Variants in RNF213 observed in about 807,000 individuals in gnomAD.
RNF213 encodes the protein ring finger protein 213.
In RNF213, 341 loss-of-function variants were observed where a neutral mutation model predicts 514.4. That is an observed-to-expected ratio of 0.66 (90% confidence interval 0.61 to 0.73). The LOEUF (loss-of-function observed/expected upper bound fraction) is 0.73. Among genes scored for constraint, RNF213 ranks in the 30% least tolerant of loss-of-function variants. The pLI, the probability that RNF213 is intolerant of heterozygous loss-of-function variation, is 0.00. For synonymous variants in RNF213, 2,655 were observed against 2,658.2 expected (o/e 1.00, Z 0.04); for missense variants, 5,767 against 6,615.6 (o/e 0.87, Z 4.45).
At chr17:80,293,191 G>A (rs1310274303) in intron 8 of RNF213, among the ~76,000 whole-genome samples, 2 of 151,838 alleles carry the variant, frequency 1.3e-5, no homozygotes, top group Non-Finnish European at 2.9e-5. Flanking sequence ...CCAAGTAGCT[G>A]GGCCTACAGG....
rs1309528995 is a variant in RNF213, at chr17:80,397,906, T to G, written c.*4408T>G. ...CTCCAGCCAGCTTGAGCGACATGGA[T>G]CCTGAGAGCGCTCTCAGGCAGGCAA... On this transcript the variant is annotated 3_prime_UTR_variant, in exon 68 of 68. Coordinates refer to ENST00000582970, the MANE Select transcript of RNF213 (RefSeq NM_001256071.3). 1 of 145,070 alleles carries G rather than the reference T, an allele frequency of 6.9e-6. No individual in the cohort carries two copies. Among genetic ancestry groups the G allele is most frequent in the Non-Finnish European group, 1.5e-5 (1 of 66,692 alleles). The allele number at this position is 145,070 out of a possible 1,614,324, so 9.0% of individuals were successfully genotyped here.
chr17:80,388,303 C>G (rs1376980025), intron 63 of RNF213, among the ~76,000 whole-genome samples: 1 of 152,194 alleles, frequency 6.6e-6, no homozygotes, highest in East Asian at 1.9e-4. Context: ...CCTTTAGTGG[C>G]TGAATGAATA....
In RNF213 at chr17:80,373,237, CCCT is replaced by C. The variant is rs2079591398; in HGVS notation, c.12942+73_12942+75del. 3.0e-6 allele frequency: 4 copies of C among 1,328,976 alleles called. No individual in the cohort carries two copies. In the African/African-American group the frequency reaches 8.8e-5, roughly 29 times the overall value. The allele number at this position is 1,328,976 out of a possible 1,614,324, so 82.3% of individuals were successfully genotyped here. On this transcript the variant is annotated intron_variant, in intron 49 of 67. Transcript: ENST00000582970. ...CCATACACCCCAAACCCACACACCC[CCCT>C]ACCCTCACACCCTACCCCCCCCACA... is the stretch of plus-strand genomic sequence containing the variant.
intron 2 of RNF213, among the ~76,000 whole-genome samples, chr17:80,272,697 G>C (rs893476976): frequency 1.3e-5 from 2 of 152,232 alleles, no homozygotes; most frequent in African/African-American, 2.4e-5. Flanking sequence ...ATGAAGGCTA[G>C]AGTGAGTGTG....
intron 1 of RNF213, among the ~76,000 whole-genome samples, chr17:80,261,387 G>T (rs780136531): frequency 1.9e-4 from 29 of 152,232 alleles, no homozygotes; most frequent in Non-Finnish European, 4.1e-4. Context: ...GAACCGCACC[G>T]CGCAGCGTCC....
chr17:80,341,520 C>T (rs1364834937), intron 26 of RNF213: 1 of 152,198 alleles, frequency 6.6e-6, no homozygotes, highest in African/African-American at 2.4e-5. Context: ...CACATAATGA[C>T]ATTTCAGTCA....
intron 14 of RNF213, among the ~76,000 whole-genome samples, 195 bp downstream of exon 14, chr17:80,309,366 G>C (rs937220002): frequency 1.3e-5 from 2 of 152,106 alleles, no homozygotes; most frequent in East Asian, 3.9e-4. Flanking sequence ...AGTGGGCCAG[G>C]GTCTGCCCTT....
At chr17:80,326,894 T>A (rs1360117503) in intron 18 of RNF213, among the ~76,000 whole-genome samples, 1 of 152,230 alleles carries the variant, frequency 6.6e-6, no homozygotes, top group African/African-American at 2.4e-5. Context: ...CTTCATCTTC[T>A]CCTAATATTG....
In RNF213 at chr17:80,343,824, G is replaced by C. The variant is rs749025839; in HGVS notation, c.6184-33G>C. On this transcript the variant is annotated intron_variant, in intron 27 of 67. Transcript: ENST00000582970. The surrounding 1 kb of genome is among the most constrained non-coding windows in gnomAD (Gnocchi z 4.3). ...AGTTGGGAGAACTCGCCATCGTGTC[G>C]TGTGTTTACACCTCGTGCGATTCTG... 1 of 1,613,030 alleles carries C rather than the reference G, an allele frequency of 6.2e-7. No individual in the cohort carries two copies. The highest frequency in any genetic ancestry group is 1.1e-5 in the South Asian group (1 of 91,050).
In RNF213 at chr17:80,347,956, G is replaced by C. The variant is rs1447041894; in HGVS notation, c.9621G>C (p.Gln3207His). 5.0e-6 allele frequency: 8 copies of C among 1,613,882 alleles called. No homozygotes were observed. The Admixed American group carries it at 5.0e-5, about 10-fold the overall frequency. The change falls in exon 29 of 68, where the codon CAG becomes CAC. Residue 3207 changes from glutamine to histidine, a missense_variant. Coordinates refer to ENST00000582970, the MANE Select transcript of RNF213 (RefSeq NM_001256071.3). The surrounding 1 kb of genome is among the most constrained non-coding windows in gnomAD (Gnocchi z 7.2). Reference sequence around the variant, plus strand: ...TCAATGTCAAAGCACATCATTTCCAGAAGAGGCACAAATACAGCCCCTCTG... The same window carrying C: ...TCAATGTCAAAGCACATCATTTCCACAAGAGGCACAAATACAGCCCCTCTG... Reference protein sequence around the residue: ...KFINVKAHHFQKRHKYSPSDV... With the variant: ...KFINVKAHHFHKRHKYSPSDV...
chr17:80,391,445 T>G (rs1273267028), intron 67 of RNF213, among the ~76,000 whole-genome samples: 2 of 152,156 alleles, frequency 1.3e-5, no homozygotes, highest in East Asian at 3.9e-4. Flanking sequence ...TAATTTTTTC[T>G]ATTTTAGTAC....
At chr17:80,358,551 A>G in intron 37 of RNF213, 72 bp downstream of exon 37, 1 of 1,398,184 alleles carries the variant, frequency 7.2e-7, no homozygotes. Context: ...ATGCTCTCCC[A>G]AGTGCTGGGT....
intron 20 of RNF213, among the ~76,000 whole-genome samples, chr17:80,328,869 C>T (rs1347420664): frequency 1.3e-5 from 2 of 152,154 alleles, no homozygotes; most frequent in East Asian, 1.9e-4. Context: ...AGGACCCACA[C>T]GGATCACAAG....
chr17:80,385,915 C>T (rs1568169413), intron 61 of RNF213, among the ~76,000 whole-genome samples: 1 of 152,220 alleles, frequency 6.6e-6, no homozygotes, highest in Non-Finnish European at 1.5e-5. Flanking sequence ...ATCCACCCGC[C>T]TCGGCCTCCC....
rs2043524521 is a variant in RNF213, at chr17:80,264,070, A to G, written c.97+292A>G. Among the ~76,000 whole-genome samples the G allele has an allele frequency of 6.6e-6, 1 of 152,100 alleles. No homozygotes were observed. Among genetic ancestry groups the G allele is most frequent in the African/African-American group, 2.4e-5 (1 of 41,400 alleles). The stretch of plus-strand genomic sequence containing the variant: ...AGTGAGCCCACCCGAGTGGGAGGAG[A>G]GGGCAGGGCCAGGGCAGGGAGAGGA... On this transcript the variant is annotated intron_variant, in intron 2 of 67. Transcript: ENST00000582970. This position sits in a 1 kb window ranked among gnomAD's most constrained non-coding sequence, Gnocchi z 5.0.
chr17:80,389,191 G>C lies in RNF213; in HGVS notation c.15019G>C (p.Val5007Leu). The C allele has an allele frequency of 2.5e-6, 4 of 1,614,138 alleles. No homozygotes were observed. The African/African-American group carries it at 5.3e-5, about 22-fold the overall frequency. The change falls in exon 65 of 68, where the codon GTC becomes CTC. Residue 5007 changes from valine (V) to leucine (L), a missense_variant. Val to Leu is a conservative substitution (Grantham distance 32). Coordinates refer to ENST00000582970, the MANE Select transcript of RNF213 (RefSeq NM_001256071.3). Reference sequence around the variant, plus strand: ...TTCCCAGGACTCCCTCCCCAGCTCGGTCATTAGTGCCATCAGTGGACAGCT... The same window carrying C: ...TTCCCAGGACTCCCTCCCCAGCTCGCTCATTAGTGCCATCAGTGGACAGCT... ...KMAQDSLPSSVISAISGQLQS... is the reference protein window; with the variant it reads ...KMAQDSLPSSLISAISGQLQS...
chr17:80,285,763 C>T (rs572927018), intron 3 of RNF213, among the ~76,000 whole-genome samples: 29 of 151,970 alleles, frequency 1.9e-4, no homozygotes, highest in African/African-American at 2.4e-4. Flanking sequence ...CTCTGCCTCC[C>T]GGGTTCAAGC....
Position 80,309,115 on chromosome 17 carries a change from C to T in RNF213, c.2599C>T (p.Leu867=). 6.2e-7 allele frequency: 1 copy of T among 1,614,200 alleles called. No homozygotes were observed. The highest frequency in any genetic ancestry group is 8.5e-7 in the Non-Finnish European group (1 of 1,180,042). Residue 867 remains leucine, a synonymous_variant, in exon 14 of 68, where the codon CTG becomes TTG. Transcript: ENST00000582970. ...CACAAAGCTACTTAAGTTTTACGAG[C>T]TGCCAGCCTTATCTGCCGAGATTGT... ...SSTKLLKFYE[L]PALSAEIVCR...
At position 80,385,520 on chromosome 17, in the gene RNF213, A is replaced by G. The variant is rs777264752; in HGVS notation, c.14456-18A>G. The G allele has an allele frequency of 2.4e-5, 39 of 1,612,054 alleles. No individual in the cohort carries two copies. In the South Asian group the frequency reaches 3.0e-4, roughly 12 times the overall value. ...GGGTTGCTATCATACGGTTCTTACC[A>G]AGTATTCTGTTCAACAGATGGGTTG... On this transcript the variant is annotated intron_variant, in intron 60 of 67. Coordinates refer to ENST00000582970, the MANE Select transcript of RNF213 (RefSeq NM_001256071.3).
Sources: allele counts gnomAD v4.1 joint callset (sites outside exome capture counted in the v4.1 genomes callset), GRCh38; gene constraint gnomAD v4.1.1; non-coding constraint Gnocchi (gnomAD v3.1); transcripts MANE v1.5; gene names NCBI Gene and HGNC (gene_info 2026-07-23, HGNC 2026-07-21).